The following TMPRSS15 variants were observed in gnomAD, a reference collection of about 807,000 sequenced individuals.
TMPRSS15 encodes enteropeptidase.
In TMPRSS15, 128 loss-of-function variants were observed where a neutral mutation model predicts 125.3. The ratio of observed to expected loss-of-function variants is 1.02; its 90% confidence interval spans 0.89 to 1.18. The LOEUF (loss-of-function observed/expected upper bound fraction) is 1.18. Ranked by LOEUF, TMPRSS15 falls within the 50% of genes most tolerant of loss-of-function variation. TMPRSS15 has a pLI of 0.00. For synonymous variants in TMPRSS15, 446 were observed against 423.2 expected (o/e 1.05, Z -0.66); for missense variants, 1,283 against 1,212.7 (o/e 1.06, Z -0.86).
At chr21:18,449,362 T>C (rs992598770) in intron 1 of TMPRSS15, among the ~76,000 whole-genome samples, 3 of 152,122 alleles carry the variant, frequency 2.0e-5, no homozygotes, top group African/African-American at 7.2e-5. Context: ...TGAAGTTACA[T>C]GTCAAGGTGG....
chr21:18,362,591 G>T (rs1018107336), intron 7 of TMPRSS15, among the ~76,000 whole-genome samples: 2 of 152,078 alleles, frequency 1.3e-5, no homozygotes, highest in Non-Finnish European at 2.9e-5. Context: ...ATCAGATTTT[G>T]TTATAATATT....
intron 21 of TMPRSS15, among the ~76,000 whole-genome samples, chr21:18,292,740 G>A (rs2074853667): frequency 6.6e-6 from 1 of 152,158 alleles, no homozygotes; most frequent in Admixed American, 6.5e-5. Flanking sequence ...GCTTTAATTT[G>A]CATCACAGTT....
upstream of TMPRSS15, among the ~76,000 whole-genome samples, chr21:18,406,457 C>T (rs1469702194): frequency 6.6e-6 from 1 of 152,042 alleles, no homozygotes; most frequent in African/African-American, 2.4e-5. Flanking sequence ...AAAAAACACT[C>T]TTCAGAGATT....
intron 10 of TMPRSS15, among the ~76,000 whole-genome samples, chr21:18,351,324 AT>A (rs1190347554): frequency 6.6e-6 from 1 of 152,202 alleles, no homozygotes; most frequent in Non-Finnish European, 1.5e-5. Context: ...ATATTCAAAA[AT>A]AATTTTGCAT....
At chr21:18,459,029 T>C (rs2123270928) in intron 1 of TMPRSS15, among the ~76,000 whole-genome samples, 1 of 152,346 alleles carries the variant, frequency 6.6e-6, no homozygotes, top group African/African-American at 2.4e-5. Flanking sequence ...GCATTTACGT[T>C]TAAGTCAATG....
At chr21:18,460,660 C>CA (rs1223852255) in intron 1 of TMPRSS15, 1 of 152,156 alleles carries the variant, frequency 6.6e-6, no homozygotes. Context: ...AGTTCAAAGG[C>CA]AAAGACTACC....
chr21:18,451,505 G>T (rs76009173), intron 1 of TMPRSS15, among the ~76,000 whole-genome samples: 40 of 152,096 alleles, frequency 2.6e-4, no homozygotes, highest in African/African-American at 7.2e-4. Flanking sequence ...CTTCTCAGGA[G>T]GGATAAATCT....
intron 1 of TMPRSS15, among the ~76,000 whole-genome samples, chr21:18,409,047 A>T (rs2123163766): frequency 6.6e-6 from 1 of 152,260 alleles, no homozygotes; most frequent in African/African-American, 2.4e-5. Flanking sequence ...GAGTTCATTC[A>T]TATGTGAGAA....
chr21:18,329,379 C>T lies in TMPRSS15; in HGVS notation c.1655-85G>A, dbSNP rs149226166. The T allele has an allele frequency of 7.6e-4, 1,042 of 1,365,936 alleles. 8 individuals are homozygous for T. In the African/African-American group the frequency reaches 0.014, roughly 19 times the overall value. 84.6% of individuals were successfully genotyped at this position (1,365,936 alleles called of 1,614,324 possible). On this transcript the variant is annotated intron_variant, in intron 14 of 24. Transcript: ENST00000284885. ...TCACTCTCTTGAGAATTTCAAATAA[C>T]TTAAAAAAAAATCAATTTTTTTTCC...
chr21:18,360,648 G>A (rs1046348630), intron 7 of TMPRSS15, among the ~76,000 whole-genome samples: 1 of 152,004 alleles, frequency 6.6e-6, no homozygotes, highest in Non-Finnish European at 1.5e-5. Context: ...CTATGTGTTT[G>A]TCTTTTTGCC....
chr21:18,347,390 C>T (rs1213374576), intron 10 of TMPRSS15, among the ~76,000 whole-genome samples: 1 of 152,058 alleles, frequency 6.6e-6, no homozygotes, highest in Non-Finnish European at 1.5e-5. Flanking sequence ...GCTCACGCCA[C>T]CATGGCTGGC....
intron 1 of TMPRSS15, among the ~76,000 whole-genome samples, chr21:18,425,778 T>C (rs1018311366): frequency 6.6e-6 from 1 of 152,116 alleles, no homozygotes; most frequent in Admixed American, 6.5e-5. Flanking sequence ...CTCCCAAATA[T>C]ATCTCTACAC....
At chr21:18,417,854 C>A (rs1393953151) in intron 1 of TMPRSS15, among the ~76,000 whole-genome samples, 2 of 152,274 alleles carry the variant, frequency 1.3e-5, no homozygotes, top group East Asian at 1.9e-4. Context: ...CGTATACACA[C>A]AATCACACAC....
At chr21:18,377,982 A>C (rs2075859836) in intron 5 of TMPRSS15, among the ~76,000 whole-genome samples, 1 of 152,136 alleles carries the variant, frequency 6.6e-6, no homozygotes, top group Non-Finnish European at 1.5e-5. Flanking sequence ...TATTTGAAAC[A>C]CTGTTTCTAC....
chr21:18,480,045 A>G (rs1907245664), intron 1 of TMPRSS15, among the ~76,000 whole-genome samples: 1 of 152,088 alleles, frequency 6.6e-6, no homozygotes, highest in Non-Finnish European at 1.5e-5. Flanking sequence ...ACACCATGGA[A>G]TACTATGCAG....
At chr21:18,320,025 G>A (rs182296958) in intron 16 of TMPRSS15, among the ~76,000 whole-genome samples, 10 of 152,156 alleles carry the variant, frequency 6.6e-5, no homozygotes, top group East Asian at 1.9e-4. Context: ...ATGCTATTAC[G>A]GAGGTTCTTG....
At chr21:18,449,214 T>C (rs2123251017) in intron 1 of TMPRSS15, among the ~76,000 whole-genome samples, 1 of 152,302 alleles carries the variant, frequency 6.6e-6, no homozygotes, top group Admixed American at 6.5e-5. Flanking sequence ...ATATACAATA[T>C]AGAATTTCTA....
At chr21:18,396,846 C>CTATT (rs1374157282) in intron 3 of TMPRSS15, among the ~76,000 whole-genome samples, 3 of 143,082 alleles carry the variant, frequency 2.1e-5, no homozygotes, top group Non-Finnish European at 4.5e-5. Context: ...ATCTATCTAT[C>CTATT]TATCTTAAGT....
At chr21:18,443,800 C>T (rs771154271) in intron 1 of TMPRSS15, among the ~76,000 whole-genome samples, 6 of 152,290 alleles carry the variant, frequency 3.9e-5, no homozygotes, top group South Asian at 2.1e-4. Flanking sequence ...CCTCTGACAC[C>T]GGTAGACAAG....
Sources: gnomAD v4.1 joint callset for allele counts (sites outside exome capture counted in the v4.1 genomes callset) on GRCh38, gnomAD v4.1.1 for gene constraint, MANE v1.5 for transcripts, NCBI Gene and HGNC (gene_info 2026-07-23, HGNC 2026-07-21) for gene names.